Variants in NTN4 observed in about 807,000 individuals in gnomAD.
The protein encoded by NTN4 is netrin 4.
NTN4 carries 32 observed loss-of-function variants against 73.6 expected under a neutral mutation model. The observed-to-expected ratio is 0.44, with a 90% CI of 0.33 to 0.58. The LOEUF is 0.58. Ranked by LOEUF, NTN4 falls within the 20% of genes least tolerant of loss-of-function variation. The pLI is 0.04. For missense variants in NTN4, 654 were observed against 798.3 expected (o/e 0.82, Z 2.18); for synonymous variants, 258 against 287.5 (o/e 0.90, Z 1.04).
At chr12:95,708,488 C>T (rs1401193809) in intron 5 of NTN4, among the ~76,000 whole-genome samples, 5 of 151,896 alleles carry the variant, frequency 3.3e-5, no homozygotes, top group East Asian at 3.9e-4. Context: ...GGGGTTTCAC[C>T]GTGTTAGCCA....
At chr12:95,690,899 G>T (rs931552183) in intron 5 of NTN4, among the ~76,000 whole-genome samples, 6 of 152,134 alleles carry the variant, frequency 3.9e-5, no homozygotes, top group Non-Finnish European at 8.8e-5. Flanking sequence ...ATTTCCAGGA[G>T]TTGACCTCTC....
intron 3 of NTN4, among the ~76,000 whole-genome samples, chr12:95,722,092 A>C (rs1359933909): frequency 7.3e-6 from 1 of 136,570 alleles, no homozygotes; most frequent in African/African-American, 2.8e-5. Context: ...TTTTGGTAGT[A>C]TTACAGCTAG....
chr12:95,677,651 G>A (rs911408757), intron 7 of NTN4, among the ~76,000 whole-genome samples: 3 of 152,164 alleles, frequency 2.0e-5, no homozygotes, highest in African/African-American at 7.2e-5. Context: ...AAGACTAAAA[G>A]AATAGCTTGA....
rs1385512064 is a variant in NTN4, at chr12:95,710,618, T to C, written c.1003A>G (p.Asn335Asp). Residue 335 changes from asparagine to aspartate, a missense_variant, in exon 5 of 10, where the codon AAT becomes GAT. Transcript: ENST00000343702. ...APNECRTCKC[N>D]GHADTCHFDV... ...AAGTGACAGGTATCAGCATGCCCAT[T>C]ACACTTGCAGGCTGGAAATAAGAAG... is the stretch of plus-strand genomic sequence containing the variant. 6.2e-7 allele frequency: 1 copy of C among 1,612,818 alleles called. No homozygotes were observed.
chr12:95,776,107 G>A (rs1419297625), intron 2 of NTN4, among the ~76,000 whole-genome samples: 1 of 152,182 alleles, frequency 6.6e-6, no homozygotes, highest in African/African-American at 2.4e-5. Flanking sequence ...GGTCCTGACT[G>A]TTAGAAGGAA....
chr12:95,672,760 T>C (rs1003247182), intron 7 of NTN4: 4 of 1,344,810 alleles, frequency 3.0e-6, no homozygotes, highest in African/African-American at 2.9e-5. Context: ...GCTATCCTCC[T>C]GTGAGAGTCT....
At chr12:95,767,163 AC>A (rs1325014043) in intron 2 of NTN4, among the ~76,000 whole-genome samples, 1 of 150,340 alleles carries the variant, frequency 6.7e-6, no homozygotes, top group Non-Finnish European at 1.5e-5. Context: ...TTTCTTCCCC[AC>A]CCCTCACCAC....
At chr12:95,681,033 C>T (rs1377299504) in intron 7 of NTN4, among the ~76,000 whole-genome samples, 2 of 151,576 alleles carry the variant, frequency 1.3e-5, no homozygotes, top group Non-Finnish European at 2.9e-5. Flanking sequence ...ACTAAAAATA[C>T]AAAAAATTAG....
intron 2 of NTN4, among the ~76,000 whole-genome samples, chr12:95,751,512 C>T (rs1279687237): frequency 1.3e-5 from 2 of 152,124 alleles, no homozygotes; most frequent in Non-Finnish European, 1.5e-5. Flanking sequence ...CCTCCTAAGC[C>T]GCATCCCATC....
In NTN4 at chr12:95,790,753, C is replaced by G. The variant is rs1303703679; in HGVS notation, c.-444G>C. 1 of 153,568 alleles carries G rather than the reference C, an allele frequency of 6.5e-6. No homozygotes were observed. The highest frequency in any genetic ancestry group is 1.4e-5 in the Non-Finnish European group (1 of 69,160). The allele number at this position is 153,568 out of a possible 1,614,324, so 9.5% of individuals were successfully genotyped here. A position where few individuals can be genotyped will look rare whatever the true frequency, so the allele number is the denominator to read the frequency against. ...CTCTTCTGGCTGCCCCGGCTCCGTC[C>G]CGTCCTTCTCCACGGGCAGTTCCAT... is the stretch of plus-strand genomic sequence containing the variant. On this transcript the variant is annotated 5_prime_UTR_variant, in exon 1 of 10. Coordinates refer to ENST00000343702, the MANE Select transcript of NTN4 (RefSeq NM_021229.4). This position sits in a 1 kb window ranked among gnomAD's most constrained non-coding sequence, Gnocchi z 6.5.
chr12:95,747,721 A>G lies in NTN4; in HGVS notation c.586-9577T>C, dbSNP rs78310452. On this transcript the variant is annotated intron_variant, in intron 2 of 9. Transcript: ENST00000343702. ...AATGTTACTGAATGAGTGAATCTGA[A>G]TCATGTCAATACAGGTTTATTTTGA... 7.4e-3 allele frequency among the ~76,000 whole-genome samples: 1,130 copies of G among 152,298 alleles called. 15 individuals are homozygous for G. Among genetic ancestry groups the G allele is most frequent in the African/African-American group, 0.025 (1,055 of 41,552 alleles).
At chr12:95,685,872 T>A (rs895850613) in intron 5 of NTN4, among the ~76,000 whole-genome samples, 3 of 152,166 alleles carry the variant, frequency 2.0e-5, no homozygotes, top group African/African-American at 7.2e-5. Flanking sequence ...AATTAACTAA[T>A]TAATCCAATA....
intron 1 of NTN4, among the ~76,000 whole-genome samples, chr12:95,788,702 A>T (rs1384209574): frequency 6.6e-6 from 1 of 152,238 alleles, no homozygotes; most frequent in Non-Finnish European, 1.5e-5. Context: ...GAAGCCTTGC[A>T]ACTAAAGGGC....
At chr12:95,761,064 C>A (rs559099748) in intron 2 of NTN4, among the ~76,000 whole-genome samples, 301 of 152,228 alleles carry the variant, frequency 2.0e-3, no homozygotes, top group African/African-American at 7.0e-3. Flanking sequence ...ATAGCGGAAA[C>A]TATAGTGTTG....
At chr12:95,764,976 C>T (rs1464643530) in intron 2 of NTN4, among the ~76,000 whole-genome samples, 1 of 151,902 alleles carries the variant, frequency 6.6e-6, no homozygotes, top group East Asian at 1.9e-4. Flanking sequence ...CAGAGGAGGG[C>T]TAGAAATCTA....
At chr12:95,705,773 T>C (rs1196570299) in intron 5 of NTN4, among the ~76,000 whole-genome samples, 1 of 152,202 alleles carries the variant, frequency 6.6e-6, no homozygotes, top group African/African-American at 2.4e-5. Context: ...TATATACATA[T>C]GTGTATGTAT....
At chr12:95,677,253 T>C (rs1231429234) in intron 7 of NTN4, among the ~76,000 whole-genome samples, 1 of 152,026 alleles carries the variant, frequency 6.6e-6, no homozygotes, top group Non-Finnish European at 1.5e-5. Flanking sequence ...TCGGTAATTT[T>C]CTAGAAAACT....
chr12:95,695,227 C>T (rs760170261), intron 5 of NTN4, among the ~76,000 whole-genome samples: 2 of 152,044 alleles, frequency 1.3e-5, no homozygotes, highest in East Asian at 3.9e-4. Context: ...AGTTTTTGTA[C>T]ATCCTACCCA....
intron 7 of NTN4, among the ~76,000 whole-genome samples, chr12:95,676,351 C>T (rs2078273103): frequency 6.6e-6 from 1 of 152,014 alleles, no homozygotes; most frequent in Admixed American, 6.6e-5. Context: ...AGGTGATCCA[C>T]CCACTTCGGC....
Sources: gnomAD v4.1 joint callset for allele counts (sites outside exome capture counted in the v4.1 genomes callset) on GRCh38, gnomAD v4.1.1 for gene constraint, Gnocchi (gnomAD v3.1) non-coding constraint, MANE v1.5 for transcripts, NCBI Gene and HGNC (gene_info 2026-07-23, HGNC 2026-07-21) for gene names.